The following ATP2C2 variants were observed in gnomAD, a reference collection of about 807,000 sequenced individuals.
The protein encoded by ATP2C2 is ATPase secretory pathway Ca2+ transporting 2.
Under a neutral mutation model 110.8 loss-of-function variants are expected in ATP2C2, and 171 were observed. The ratio of observed to expected loss-of-function variants is 1.54; its 90% confidence interval spans 1.36 to 1.75. The LOEUF (loss-of-function observed/expected upper bound fraction) is 1.75. ATP2C2 is among the 40% of genes most tolerant of loss of function. The pLI is 0.00. For missense variants in ATP2C2, 1,963 were observed against 1,235.0 expected, an observed-to-expected ratio of 1.59 and a Z score of -8.84; for synonymous variants, 804 against 508.4, an observed-to-expected ratio of 1.58 and a Z score of -7.82.
chr16:84,437,164 C>T (rs965744441), intron 11 of ATP2C2, among the ~76,000 whole-genome samples: 5 of 152,154 alleles, frequency 3.3e-5, no homozygotes, highest in African/African-American at 1.2e-4. Flanking sequence ...GAGATATACA[C>T]AGCCGTCACC....
chr16:84,463,444 G>T (rs1911597060), intron 26 of ATP2C2, among the ~76,000 whole-genome samples, 170 bp from the exon 27 acceptor site: 1 of 152,170 alleles, frequency 6.6e-6, no homozygotes, highest in Admixed American at 6.5e-5. Context: ...TTCTGGAACT[G>T]CAGCATTTTG....
chr16:84,448,759 C>T, intron 17 of ATP2C2, 70 bp downstream of exon 17: 1 of 1,536,670 alleles, frequency 6.5e-7, no homozygotes, highest in Non-Finnish European at 8.8e-7. Context: ...TGCATTCAAG[C>T]AGGGTCCCTA....
chr16:84,372,051 G>T (rs938022354), intron 1 of ATP2C2, among the ~76,000 whole-genome samples: 2 of 152,180 alleles, frequency 1.3e-5, no homozygotes, highest in Non-Finnish European at 2.9e-5. Flanking sequence ...GGCAGGGATT[G>T]ACAGCGAGTT....
chr16:84,381,012 C>T (rs576500947), intron 1 of ATP2C2, among the ~76,000 whole-genome samples: 28 of 152,136 alleles, frequency 1.8e-4, no homozygotes, highest in Non-Finnish European at 3.5e-4. Flanking sequence ...ATTTCATGCG[C>T]GTCCGTGTGA....
At position 84,388,069 on chromosome 16, in the gene ATP2C2, C is replaced by T. The variant is rs150666907; in HGVS notation, c.100-10430C>T. Among the ~76,000 whole-genome samples the T allele has an allele frequency of 4.2e-3, 634 of 151,888 alleles. 5 individuals are homozygous for T. The highest frequency in any genetic ancestry group is 0.015 in the African/African-American group (605 of 41,390). On this transcript the variant is annotated intron_variant, in intron 1 of 26. Transcript: ENST00000262429. The stretch of plus-strand genomic sequence containing the variant: ...TTGGCCAGGCAGGTGCAGTGGCTCA[C>T]GCCTGTCATCCCAGCACTTTGGGAG...
intron 1 of ATP2C2, among the ~76,000 whole-genome samples, chr16:84,383,878 C>T (rs1904290901): frequency 2.7e-5 from 4 of 145,472 alleles, no homozygotes; most frequent in Non-Finnish European, 4.5e-5. Flanking sequence ...CAGCATCCAA[C>T]TCTCAGGCTC....
intron 7 of ATP2C2, among the ~76,000 whole-genome samples, chr16:84,417,010 C>T (rs1300295084): frequency 6.6e-6 from 1 of 152,168 alleles, no homozygotes. Flanking sequence ...CAGAGAGAGG[C>T]CGTATGAGAG....
At chr16:84,404,837 A>T (rs1036966109) in intron 2 of ATP2C2, 6 of 395,326 alleles carry the variant, frequency 1.5e-5, no homozygotes, top group African/African-American at 1.2e-4. Flanking sequence ...TTTAAGAAGA[A>T]AAGATGTGTT....
rs71151217 is a variant in ATP2C2, at chr16:84,444,162, CAA to C, written c.1401+1584_1401+1585del. On this transcript the variant is annotated intron_variant, in intron 15 of 26. Coordinates refer to ENST00000262429, the MANE Select transcript of ATP2C2 (RefSeq NM_014861.4). The stretch of plus-strand genomic sequence containing the variant: ...AGTCTAGATGAGAGAGATCCTGCCT[CAA>C]AAAAAAAAAAAAAAAAAAAACAAAA... Among the ~76,000 whole-genome samples, 18 of 104,564 alleles carry C rather than the reference CAA, an allele frequency of 1.7e-4. No homozygotes were observed. The South Asian group carries it at 3.7e-3, about 22-fold the overall frequency. The allele number at this position is 104,564 out of a possible 152,430, so 68.6% of individuals were successfully genotyped here. A position where few individuals can be genotyped will look rare whatever the true frequency, so the allele number is the denominator to read the frequency against.
intron 11 of ATP2C2, among the ~76,000 whole-genome samples, chr16:84,434,880 C>A (rs968703555): frequency 1.3e-5 from 2 of 152,198 alleles, no homozygotes; most frequent in African/African-American, 4.8e-5. Context: ...CCAAGTAATA[C>A]AAAGATGCCC....
chr16:84,430,395 C>T (rs1007053180), intron 11 of ATP2C2, among the ~76,000 whole-genome samples: 7 of 130,290 alleles, frequency 5.4e-5, no homozygotes, highest in Non-Finnish European at 1.0e-4. Context: ...AATCCCAGCA[C>T]TTTTGGACAC....
At position 84,459,734 on chromosome 16, in the gene ATP2C2, C is replaced by T. The variant is rs1597884024; in HGVS notation, c.2333+348C>T. ...TTGCACTCCCACTCAATCCCCTCAC[C>T]CTGCTGTATTTTTCCCTAGAGAGGA... is the stretch of plus-strand genomic sequence containing the variant. On this transcript the variant is annotated intron_variant, in intron 23 of 26. Coordinates refer to ENST00000262429, the MANE Select transcript of ATP2C2 (RefSeq NM_014861.4). The T allele has an allele frequency of 1.9e-5, 13 of 696,938 alleles. 1 individual carries two copies. Among genetic ancestry groups the T allele is most frequent in the South Asian group, 1.1e-4 (6 of 54,982 alleles). The allele number at this position is 696,938 out of a possible 1,614,324, so 43.2% of individuals were successfully genotyped here.
intron 17 of ATP2C2, among the ~76,000 whole-genome samples, chr16:84,451,547 C>T (rs1262957779): frequency 6.6e-6 from 1 of 152,110 alleles, no homozygotes; most frequent in African/African-American, 2.4e-5. Flanking sequence ...TGGGGGCTGG[C>T]TAACAAAGGG....
intron 17 of ATP2C2, among the ~76,000 whole-genome samples, chr16:84,451,642 A>G (rs1326996369): frequency 6.6e-6 from 1 of 152,168 alleles, no homozygotes; most frequent in Non-Finnish European, 1.5e-5. Flanking sequence ...GTTTGAGACC[A>G]GCCTGGCCAA....
At chr16:84,425,292 A>G (rs1907710574) in intron 10 of ATP2C2, among the ~76,000 whole-genome samples, 1 of 152,168 alleles carries the variant, frequency 6.6e-6, no homozygotes, top group Non-Finnish European at 1.5e-5. Flanking sequence ...ATTATTAATG[A>G]AGGAAAATGG....
intron 7 of ATP2C2, among the ~76,000 whole-genome samples, chr16:84,418,442 C>T (rs933034723): frequency 6.6e-6 from 1 of 152,206 alleles, no homozygotes; most frequent in Non-Finnish European, 1.5e-5. Context: ...GGAGGTGCCA[C>T]CTGATCTTCT....
chr16:84,451,918 C>CA lies in ATP2C2; in HGVS notation c.1661-2dup. On this transcript the variant is annotated splice_polypyrimidine_tract_variant and splice_region_variant and intron_variant, in intron 17 of 26. Coordinates refer to ENST00000262429, the MANE Select transcript of ATP2C2 (RefSeq NM_014861.4). ...CCCCTCCTTACTCCCCCTCTCTCCT[C>CA]AGTGCTGGCCCTGGCTTCTGGGCCC... is the stretch of plus-strand genomic sequence containing the variant. 6.2e-7 allele frequency: 1 copy of CA among 1,612,628 alleles called. No homozygotes were observed. Among genetic ancestry groups the CA allele is most frequent in the Non-Finnish European group, 8.5e-7 (1 of 1,179,554 alleles).
chr16:84,402,589 G>C (rs557017108), intron 2 of ATP2C2, among the ~76,000 whole-genome samples: 1 of 152,196 alleles, frequency 6.6e-6, no homozygotes, highest in South Asian at 2.1e-4. Flanking sequence ...TTCTGTTGAT[G>C]TGTCACATTA....
intron 17 of ATP2C2, 81 bp from the exon 18 acceptor site, chr16:84,451,840 A>C (rs1910295303): frequency 2.9e-6 from 4 of 1,382,336 alleles, no homozygotes; most frequent in Middle Eastern, 2.5e-4. Context: ...CTCTCTTAAA[A>C]AACAACAACA....
Sources: allele counts gnomAD v4.1 joint callset (sites outside exome capture counted in the v4.1 genomes callset), GRCh38; gene constraint gnomAD v4.1.1; transcripts MANE v1.5; gene names NCBI Gene and HGNC (gene_info 2026-07-23, HGNC 2026-07-21).